Variants in KIF4A observed in about 807,000 individuals in gnomAD.
KIF4A encodes kinesin family member 4A.
KIF4A carries 7 observed loss-of-function variants against 105.9 expected under a neutral mutation model. The observed-to-expected ratio is 0.07, with a 90% CI of 0.04 to 0.12. The LOEUF is 0.12. Among genes scored for constraint, KIF4A ranks in the 10% least tolerant of loss-of-function variants. KIF4A has a pLI of 1.00. For missense variants in KIF4A, 558 were observed against 929.2 expected (o/e 0.60, Z 5.19); for synonymous variants, 281 against 331.3 (o/e 0.85, Z 1.65).
chrX:70,332,604 G>A (rs2085935038), intron 9 of KIF4A, among the ~76,000 whole-genome samples: 1 of 111,634 alleles, frequency 9.0e-6, no homozygotes, highest in Non-Finnish European at 1.9e-5. Context: ...GGTTGGGGAG[G>A]ATGCTTTTGT....
At chrX:70,383,523 ACT>A (rs921471543) in intron 18 of KIF4A, among the ~76,000 whole-genome samples, 1 of 111,585 alleles carries the variant, frequency 9.0e-6, no homozygotes, top group African/African-American at 3.3e-5. Context: ...CAGCAATTCC[ACT>A]CTTAGTTTTG....
At chrX:70,305,689 T>C (rs1353110941) in intron 7 of KIF4A, among the ~76,000 whole-genome samples, 1 of 112,308 alleles carries the variant, frequency 8.9e-6, no homozygotes, top group Admixed American at 9.4e-5. Flanking sequence ...CAAGTTTTCA[T>C]TTCTCTTGAG....
At chrX:70,338,066 T>A in intron 10 of KIF4A, among the ~76,000 whole-genome samples, 1 of 112,168 alleles carries the variant, frequency 8.9e-6, no homozygotes, top group Middle Eastern at 4.6e-3. Context: ...ACTTTGTTTA[T>A]GATTTTTTTG....
Position 70,395,659 on chromosome X carries a change from T to C in KIF4A, c.2233-12T>C. 8.3e-7 allele frequency: 1 copy of C among 1,211,229 alleles called. No homozygotes were observed. The highest frequency in any genetic ancestry group is 1.7e-5 in the African/African-American group (1 of 57,709). On this transcript the variant is annotated splice_polypyrimidine_tract_variant and intron_variant, in intron 20 of 30. Transcript: ENST00000374403. ...TCATCCCTAACACAGACATCACTGA[T>C]TTCTCTTCCAGAATTGGCTTGGAAA...
At chrX:70,345,311 A>G (rs1417054901) in intron 13 of KIF4A, among the ~76,000 whole-genome samples, 2 of 110,825 alleles carry the variant, frequency 1.8e-5, no homozygotes, top group African/African-American at 6.6e-5. Context: ...TGAAAATACA[A>G]AAATTAGCCA....
intron 20 of KIF4A, among the ~76,000 whole-genome samples, chrX:70,394,338 A>G (rs1024893136): frequency 2.7e-5 from 3 of 109,334 alleles, no homozygotes; most frequent in African/African-American, 6.7e-5. Flanking sequence ...CGACTAGCTG[A>G]GACTACATTC....
At chrX:70,329,245 A>T (rs1336854959) in intron 7 of KIF4A, among the ~76,000 whole-genome samples, 160 bp from the exon 8 acceptor site, 1 of 112,087 alleles carries the variant, frequency 8.9e-6, no homozygotes, top group Non-Finnish European at 1.9e-5. Flanking sequence ...TCCTTTACTT[A>T]AAGAGGCACT....
chrX:70,322,233 C>A (rs1463739172), intron 7 of KIF4A, among the ~76,000 whole-genome samples: 1 of 110,318 alleles, frequency 9.1e-6, no homozygotes, highest in African/African-American at 3.3e-5. Flanking sequence ...TTATGGATGT[C>A]CCACATGTAT....
At chrX:70,414,469 C>T (rs1175329253) in intron 28 of KIF4A, among the ~76,000 whole-genome samples, 2 of 111,762 alleles carry the variant, frequency 1.8e-5, no homozygotes, top group African/African-American at 6.5e-5. Flanking sequence ...TATCACAGTC[C>T]ACCTCACAGT....
Position 70,301,889 on chromosome X carries a change from C to A in KIF4A, c.517-11C>A, listed in dbSNP as rs1255662568. Reference sequence around the variant, plus strand: ...TAAATCATAAGGGAATTTTCTCTTTCTTGCAATTAGATTGTGGGACTCACT... The same window carrying A: ...TAAATCATAAGGGAATTTTCTCTTTATTGCAATTAGATTGTGGGACTCACT... On this transcript the variant is annotated splice_polypyrimidine_tract_variant and intron_variant, in intron 5 of 30. Coordinates refer to ENST00000374403, the MANE Select transcript of KIF4A (RefSeq NM_012310.5). The A allele has an allele frequency of 8.3e-7, 1 of 1,204,895 alleles. No homozygotes were observed. The highest frequency in any genetic ancestry group is 2.2e-5 in the Admixed American group (1 of 45,425).
intron 18 of KIF4A, among the ~76,000 whole-genome samples, chrX:70,385,523 A>G (rs1486133084): frequency 1.8e-5 from 2 of 112,383 alleles, no homozygotes; most frequent in Admixed American, 9.5e-5. Flanking sequence ...TAATCTCTGT[A>G]GGAGTAGTAA....
chrX:70,361,627 G>A (rs765205578), intron 15 of KIF4A: 15 of 164,172 alleles, frequency 9.1e-5, no homozygotes, highest in Non-Finnish European at 1.9e-4. Context: ...TGGTAGTGTA[G>A]CCCTGTCTGC....
chrX:70,357,619 A>G (rs1463804051), intron 15 of KIF4A, among the ~76,000 whole-genome samples: 1 of 112,303 alleles, frequency 8.9e-6, no homozygotes, highest in Non-Finnish European at 1.9e-5. Flanking sequence ...GAAATACTTT[A>G]AAGCTTTGCA....
In KIF4A at chrX:70,385,203, C is replaced by T. The variant is rs532507272; in HGVS notation, c.2035-1415C>T. Among the ~76,000 whole-genome samples the T allele has an allele frequency of 1.9e-4, 21 of 111,813 alleles. No individual in the cohort carries two copies. In the South Asian group the frequency reaches 7.5e-3, roughly 40 times the overall value. ...ATGGGGAAGTTATTGGTAGTGCTAACGATGCTGGGAGAGAAGCCAAAGAAG... is the reference window on the plus strand; with the variant it reads ...ATGGGGAAGTTATTGGTAGTGCTAATGATGCTGGGAGAGAAGCCAAAGAAG... On this transcript the variant is annotated intron_variant, in intron 18 of 30. Coordinates refer to ENST00000374403, the MANE Select transcript of KIF4A (RefSeq NM_012310.5).
At chrX:70,401,658 C>A (rs1210520886) in intron 22 of KIF4A, among the ~76,000 whole-genome samples, 2 of 111,664 alleles carry the variant, frequency 1.8e-5, no homozygotes, top group Non-Finnish European at 3.8e-5. Flanking sequence ...ACCTCGGCCT[C>A]CCAAAGTGCT....
At chrX:70,324,646 CTT>C (rs761286185) in intron 7 of KIF4A, among the ~76,000 whole-genome samples, 49 of 110,448 alleles carry the variant, frequency 4.4e-4, no homozygotes, top group African/African-American at 1.5e-3. Context: ...AAGTTTTAAA[CTT>C]TTTATTTGCA....
At chrX:70,295,083 G>A (rs1427483991) in intron 3 of KIF4A, among the ~76,000 whole-genome samples, 1 of 111,961 alleles carries the variant, frequency 8.9e-6, no homozygotes, top group Non-Finnish European at 1.9e-5. Flanking sequence ...GGGAGGGGGA[G>A]TGCTGAGTAA....
chrX:70,375,392 A>T (rs770277377), intron 17 of KIF4A, 44 bp downstream of exon 17: 1 of 1,146,369 alleles, frequency 8.7e-7, no homozygotes, highest in Admixed American at 2.3e-5. Context: ...TGGAATTTAC[A>T]AACATAGGTA....
intron 15 of KIF4A, among the ~76,000 whole-genome samples, chrX:70,371,750 G>A (rs1178275891): frequency 9.3e-5 from 10 of 107,934 alleles, no homozygotes; most frequent in South Asian, 4.3e-4. Context: ...GGGCGGAGAC[G>A]CTCCTCACTT....
Sources: allele counts gnomAD v4.1 joint callset (sites outside exome capture counted in the v4.1 genomes callset), GRCh38; gene constraint gnomAD v4.1.1; transcripts MANE v1.5; gene names NCBI Gene and HGNC (gene_info 2026-07-23, HGNC 2026-07-21).